The following GP2 variants were observed in gnomAD, a reference collection of about 807,000 sequenced individuals.
The protein encoded by GP2 is glycoprotein 2.
Under a neutral mutation model 60.8 loss-of-function variants are expected in GP2, and 58 were observed. That is an observed-to-expected ratio of 0.95 (90% CI 0.77 to 1.19). The LOEUF (loss-of-function observed/expected upper bound fraction) is 1.19, where lower values mean the gene tolerates loss of function less well. Ranked by LOEUF, GP2 falls within the 50% of genes most tolerant of loss-of-function variation. The pLI, the probability that GP2 is intolerant of heterozygous loss-of-function variation, is 0.00. For synonymous variants in GP2, 280 were observed against 253.4 expected (o/e 1.10, Z -1.00); for missense variants, 647 against 667.4 (o/e 0.97, Z 0.34).
chr16:20,319,077 A>G (rs1964269124), intron 6 of GP2, among the ~76,000 whole-genome samples: 1 of 152,118 alleles, frequency 6.6e-6, no homozygotes, highest in Non-Finnish European at 1.5e-5. Context: ...CCAAATTGCT[A>G]TCTGATGCTA....
At chr16:20,319,807 T>C in intron 5 of GP2, 39 bp from the exon 6 acceptor site, 3 of 1,512,450 alleles carry the variant, frequency 2.0e-6, no homozygotes, top group Non-Finnish European at 2.8e-6. Flanking sequence ...TGTTTATGTG[T>C]ATGTGTATGT....
At chr16:20,322,036 G>C (rs189691162) in intron 4 of GP2, among the ~76,000 whole-genome samples, 1 of 152,324 alleles carries the variant, frequency 6.6e-6, no homozygotes, top group Non-Finnish European at 1.5e-5. Flanking sequence ...CAAGGTTGTT[G>C]GTTGTTCCCT....
At chr16:20,324,456 T>C (rs1964472295) in intron 2 of GP2, among the ~76,000 whole-genome samples, 200 bp from the exon 3 acceptor site, 1 of 152,200 alleles carries the variant, frequency 6.6e-6, no homozygotes, top group Non-Finnish European at 1.5e-5. Context: ...TTACAGGCAT[T>C]GAGGACATCA....
intron 10 of GP2, 146 bp downstream of exon 10, chr16:20,314,511 C>T (rs1418041091): frequency 2.9e-6 from 2 of 696,804 alleles, no homozygotes; most frequent in African/African-American, 3.5e-5. Flanking sequence ...ACCTCCTCCA[C>T]TATACTGTGG....
chr16:20,317,285 A>G lies in GP2; in HGVS notation c.1344T>C (p.Ala448=). ...GCAGGAAAACTAGGTCATAATGTCC[A>G]GCAAACATGAACATCTGAACTGAGA... The part of the protein sequence containing the change: ...SRFSVQMFMF[A]GHYDLVFLHC... The change falls in exon 8 of 11, where the codon GCT becomes GCC. Residue 448 remains alanine, a synonymous_variant. Transcript: ENST00000302555. 6.2e-7 allele frequency: 1 copy of G among 1,613,014 alleles called. No individual in the cohort carries two copies.
At chr16:20,322,649 G>T (rs1441806214) in intron 4 of GP2, among the ~76,000 whole-genome samples, 1 of 152,042 alleles carries the variant, frequency 6.6e-6, no homozygotes, top group Admixed American at 6.5e-5. Context: ...ATTTCCTGAG[G>T]CCACGGCCCA....
At chr16:20,312,213 A>C (rs1964013395) in intron 10 of GP2, among the ~76,000 whole-genome samples, 1 of 152,216 alleles carries the variant, frequency 6.6e-6, no homozygotes, top group Non-Finnish European at 1.5e-5. Context: ...ATCCCAGATG[A>C]TAATGGTCTT....
intron 2 of GP2, among the ~76,000 whole-genome samples, chr16:20,325,799 G>A (rs1265665865): frequency 6.6e-6 from 1 of 152,204 alleles, no homozygotes; most frequent in African/African-American, 2.4e-5. Context: ...GCTCATGCAT[G>A]TACTTATTTT....
chr16:20,319,546 A>T, intron 6 of GP2, 74 bp downstream of exon 6: 1 of 1,059,256 alleles, frequency 9.4e-7, no homozygotes, highest in Non-Finnish European at 1.5e-6. Context: ...TGGACATCAT[A>T]GTCTGCACTT....
At chr16:20,322,207 T>C (rs922264999) in intron 4 of GP2, among the ~76,000 whole-genome samples, 2 of 152,228 alleles carry the variant, frequency 1.3e-5, no homozygotes, top group African/African-American at 4.8e-5. Flanking sequence ...AAGGCATGCT[T>C]GTGCCAAAGG....
chr16:20,322,822 G>T, intron 4 of GP2, 47 bp downstream of exon 4: 2 of 1,037,598 alleles, frequency 1.9e-6, no homozygotes, highest in South Asian at 1.3e-5. Flanking sequence ...CCTCCCTCCT[G>T]CCCTGCCCCC....
Position 20,326,342 on chromosome 16 carries a change from C to T in GP2, c.90G>A (p.Gln30=), listed in dbSNP as rs1352967587. Residue 30 remains glutamine (Q), a synonymous_variant, in exon 2 of 11, where the codon CAG becomes CAA. Coordinates refer to ENST00000302555, the MANE Select transcript of GP2 (RefSeq NM_001502.4). ...SCILTQASAV[Q]RGYGNPIEAS... ...CCAGGTGAGCAGAATACTTACCTCG[C>T]TGCACTGCAGATGCCTGGGTCAGAA... The T allele has an allele frequency of 1.9e-6, 3 of 1,613,846 alleles. No homozygotes were observed. The highest frequency in any genetic ancestry group is 2.5e-6 in the Non-Finnish European group (3 of 1,179,744).
rs1196225361 is a variant in GP2 at position 20,319,737 on chromosome 16, G to T, written c.890C>A (p.Thr297Asn). 3.1e-6 allele frequency: 5 copies of T among 1,612,742 alleles called. No individual in the cohort carries two copies. The South Asian group carries it at 5.5e-5, about 18-fold the overall frequency. The part of the protein sequence containing the change: ...RNQTHAIYKN[T>N]LSLVNDFIIR... Reference sequence around the variant, plus strand: ...GATGAAATCATTGACCAAGGAGAGGGTGTTTTTGTAGATGGCATGGGTTTG... The same window carrying T: ...GATGAAATCATTGACCAAGGAGAGGTTGTTTTTGTAGATGGCATGGGTTTG... Residue 297 changes from threonine (T) to asparagine (N), a missense_variant, in exon 6 of 11, where the codon ACC becomes AAC. By Grantham distance (65) the Thr-to-Asn change is moderately conservative (BLOSUM62 0). Coordinates refer to ENST00000302555, the MANE Select transcript of GP2 (RefSeq NM_001502.4).
chr16:20,311,429 T>C, intron 10 of GP2, 148 bp from the exon 11 acceptor site: 1 of 608,722 alleles, frequency 1.6e-6, no homozygotes, highest in Non-Finnish European at 3.0e-6. Context: ...GGGACTCACA[T>C]GGTAGAGGCA....
Position 20,320,364 on chromosome 16 carries a change from G to A in GP2, c.756C>T (p.Tyr252=), listed in dbSNP as rs1964318086. 1 of 1,613,586 alleles carries A rather than the reference G, an allele frequency of 6.2e-7. No individual in the cohort carries two copies. Among genetic ancestry groups the A allele is most frequent in the Admixed American group, 1.7e-5 (1 of 59,990 alleles). Residue 252 remains tyrosine, a synonymous_variant, in exon 5 of 11, where the codon TAC becomes TAT. Transcript: ENST00000302555. The stretch of plus-strand genomic sequence containing the variant: ...TGCTGCTGCAGTTTGGGTCTCGCAG[G>A]TAGGCAATGACCTCCTCCCCCAAAC... The part of the protein sequence containing the change: ...GLGLGEEVIA[Y]LRDPNCSSIL...
chr16:20,323,281 CA>C (rs1417224608), intron 3 of GP2: 60 of 689,814 alleles, frequency 8.7e-5, no homozygotes, highest in Non-Finnish European at 1.3e-4. Context: ...GCTAGAATGC[CA>C]AGTTCAAATC....
At chr16:20,324,343 T>C (rs1267476442) in intron 2 of GP2, 87 bp from the exon 3 acceptor site, 2 of 780,896 alleles carry the variant, frequency 2.6e-6, no homozygotes, top group Non-Finnish European at 4.2e-6. Context: ...ATTTTGGCTG[T>C]GCTAAGGACT....
At chr16:20,311,600 C>T (rs1356593974) in intron 10 of GP2, among the ~76,000 whole-genome samples, 1 of 152,222 alleles carries the variant, frequency 6.6e-6, no homozygotes, top group African/African-American at 2.4e-5. Flanking sequence ...CTTAAAGCCT[C>T]CTATATATCC....
chr16:20,324,434 T>A (rs1199459618), intron 2 of GP2, among the ~76,000 whole-genome samples, 178 bp from the exon 3 acceptor site: 1 of 152,212 alleles, frequency 6.6e-6, no homozygotes, highest in Non-Finnish European at 1.5e-5. Flanking sequence ...AGTGAGGACC[T>A]TCTGTGGTAT....
Sources: gnomAD v4.1 joint callset for allele counts (sites outside exome capture counted in the v4.1 genomes callset) on GRCh38, gnomAD v4.1.1 for gene constraint, MANE v1.5 for transcripts, NCBI Gene and HGNC (gene_info 2026-07-23, HGNC 2026-07-21) for gene names.